The following CYRIB variants were observed in gnomAD, a reference collection of about 807,000 sequenced individuals.
CYRIB encodes CYFIP-related Rac1 interactor B.
Under a neutral mutation model 44.2 loss-of-function variants are expected in CYRIB, and 8 were observed. The observed-to-expected ratio is 0.18, with a 90% CI of 0.11 to 0.33. The LOEUF is 0.33. Among genes scored for constraint, CYRIB ranks in the 10% least tolerant of loss-of-function variants. CYRIB has a pLI of 1.00. For missense variants in CYRIB, 185 were observed against 382.8 expected (o/e 0.48, Z 4.31); for synonymous variants, 131 against 127.2 (o/e 1.03, Z -0.20).
chr8:129,895,576 C>T (rs1269131666), intron 2 of CYRIB, among the ~76,000 whole-genome samples: 1 of 151,870 alleles, frequency 6.6e-6, no homozygotes, highest in Non-Finnish European at 1.5e-5. Context: ...ATATAATTGC[C>T]ATCTCTATAA....
rs144901677 is a variant in CYRIB, at chr8:129,886,789, G to A, written c.-10-7318C>T. 4.6e-4 allele frequency among the ~76,000 whole-genome samples: 70 copies of A among 152,000 alleles called. No individual in the cohort carries two copies. In the South Asian group the frequency reaches 0.01, roughly 22 times the overall value. ...ACACACTTTTATCATTAGCTTAAAG[G>A]GCAGCACGTCTCACCTCCCCCACTG... On this transcript the variant is annotated intron_variant, in intron 2 of 11. Transcript: ENST00000519824.
At position 130,010,835 on chromosome 8, in the gene CYRIB, C is replaced by A. The variant is rs182192417; in HGVS notation, c.-296+5535G>T. Among the ~76,000 whole-genome samples, 196 of 152,220 alleles carry A rather than the reference C, an allele frequency of 1.3e-3. 1 individual carries two copies. The highest frequency in any genetic ancestry group is 4.5e-3 in the African/African-American group (189 of 41,546). On this transcript the variant is annotated intron_variant, in intron 1 of 14. Coordinates refer to the CYRIB transcript ENST00000401979. ...GGGTCAGGTTGGATGATCTCCTGGC[C>A]CACTGCACTCAAAGTATGGTCTACA...
chr8:130,013,995 G>A (rs963640521), intron 1 of CYRIB, among the ~76,000 whole-genome samples: 1 of 152,222 alleles, frequency 6.6e-6, no homozygotes, highest in Non-Finnish European at 1.5e-5. Flanking sequence ...AGTGAGCTCT[G>A]CAGGCTGAAG....
intron 1 of CYRIB, among the ~76,000 whole-genome samples, chr8:129,971,807 C>T (rs1049302960): frequency 2.6e-5 from 4 of 152,190 alleles, no homozygotes; most frequent in Non-Finnish European, 5.9e-5. Flanking sequence ...AGGTACATTA[C>T]GCCAGCCTTG....
chr8:129,983,632 G>T (rs558490077), intron 1 of CYRIB, among the ~76,000 whole-genome samples: 51 of 152,316 alleles, frequency 3.3e-4, no homozygotes, highest in African/African-American at 1.2e-3. Flanking sequence ...AGGGATCCAG[G>T]GCAGGGAGGG....
intron 1 of CYRIB, among the ~76,000 whole-genome samples, chr8:129,994,765 C>CCA (rs547518772): frequency 6.0e-4 from 92 of 152,190 alleles, no homozygotes; most frequent in Middle Eastern, 3.2e-3. Context: ...TGAGAAACTC[C>CCA]CAGAATCAAC....
At chr8:129,953,363 C>T (rs1345774932) in intron 2 of CYRIB, among the ~76,000 whole-genome samples, 1 of 152,166 alleles carries the variant, frequency 6.6e-6, no homozygotes, top group African/African-American at 2.4e-5. Flanking sequence ...ACCCCTTCAC[C>T]TGGTCCCAAC....
At chr8:129,842,285 G>A in intron 11 of CYRIB, 80 bp from the exon 14 acceptor site, 2 of 1,007,512 alleles carry the variant, frequency 2.0e-6, no homozygotes, top group East Asian at 2.5e-5. Context: ...ATGACAGGAT[G>A]GAGAATTGGT....
intron 8 of CYRIB, 192 bp from the exon 11 acceptor site, chr8:129,851,106 G>A (rs896993843): frequency 1.6e-5 from 9 of 559,348 alleles, no homozygotes; most frequent in Non-Finnish European, 2.5e-5. Context: ...GCAAGACAGC[G>A]AAGGCAGGAC....
intron 1 of CYRIB, among the ~76,000 whole-genome samples, chr8:129,906,042 A>G (rs2075196834): frequency 6.6e-6 from 1 of 152,112 alleles, no homozygotes; most frequent in South Asian, 2.1e-4. Flanking sequence ...TAATTTATAG[A>G]TTCAATGCCA....
At chr8:129,911,157 C>T (rs1000725183) in intron 1 of CYRIB, among the ~76,000 whole-genome samples, 1 of 152,204 alleles carries the variant, frequency 6.6e-6, no homozygotes, top group African/African-American at 2.4e-5. Context: ...TTCTACTCAG[C>T]TGCCTTTTTC....
chr8:130,010,584 C>A (rs1344620741), intron 1 of CYRIB, among the ~76,000 whole-genome samples: 1 of 152,214 alleles, frequency 6.6e-6, no homozygotes, highest in Non-Finnish European at 1.5e-5. Context: ...TCTAGGCCCT[C>A]CTGGGCTTAT....
chr8:129,904,881 T>C (rs1435249754), intron 1 of CYRIB, among the ~76,000 whole-genome samples: 1 of 152,180 alleles, frequency 6.6e-6, no homozygotes, highest in South Asian at 2.1e-4. Context: ...GCATATGGAG[T>C]TGGCTGGCTG....
At chr8:129,862,428 A>T (rs298611) in intron 4 of CYRIB, 94 bp from the exon 7 acceptor site, 15 of 939,142 alleles carry the variant, frequency 1.6e-5, no homozygotes, top group Non-Finnish European at 2.3e-5. Context: ...CATAGGAAAC[A>T]CTGGTATAAT....
At chr8:129,965,795 CA>C (rs796986537) in intron 2 of CYRIB, among the ~76,000 whole-genome samples, 222 of 131,906 alleles carry the variant, frequency 1.7e-3, no homozygotes, top group Admixed American at 4.3e-3. Context: ...GACTCTGTCT[CA>C]AAAAAAAAAA....
At chr8:129,880,813 C>A (rs2060552351) in intron 2 of CYRIB, among the ~76,000 whole-genome samples, 1 of 152,086 alleles carries the variant, frequency 6.6e-6, no homozygotes, top group African/African-American at 2.4e-5. Flanking sequence ...AAATAAGTAA[C>A]TATAGAAACC....
At chr8:129,913,882 C>T (rs1274990619) in intron 1 of CYRIB, among the ~76,000 whole-genome samples, 1 of 152,130 alleles carries the variant, frequency 6.6e-6, no homozygotes, top group African/African-American at 2.4e-5. Flanking sequence ...TTGTATAGAC[C>T]ATAACCATAA....
chr8:129,845,529 C>T (rs1563960352), intron 11 of CYRIB, among the ~76,000 whole-genome samples: 1 of 152,336 alleles, frequency 6.6e-6, no homozygotes, highest in East Asian at 1.9e-4. Flanking sequence ...GTTCCTTAAT[C>T]TTGCTGATGT....
chr8:129,896,744 C>T (rs2068264744), intron 2 of CYRIB: 1 of 152,262 alleles, frequency 6.6e-6, no homozygotes, highest in Non-Finnish European at 1.5e-5. Context: ...AACTTAAGGA[C>T]CTACTGCCAA....
Sources: allele counts gnomAD v4.1 joint callset (sites outside exome capture counted in the v4.1 genomes callset), GRCh38; gene constraint gnomAD v4.1.1; transcripts MANE v1.5; gene names NCBI Gene and HGNC (gene_info 2026-07-23, HGNC 2026-07-21).